Variants in TCF12 observed in about 807,000 individuals in gnomAD.
The protein encoded by TCF12 is transcription factor 12.
A neutral mutation model predicts 86.0 loss-of-function variants in TCF12; 45 were observed. The ratio of observed to expected loss-of-function variants is 0.52; its 90% CI spans 0.41 to 0.67. The LOEUF (loss-of-function observed/expected upper bound fraction) is 0.67. Ranked by LOEUF, TCF12 falls within the 30% of genes least tolerant of loss-of-function variation. The pLI, the probability that TCF12 is intolerant of heterozygous loss-of-function variation, is 0.00. For synonymous variants in TCF12, 330 were observed against 299.6 expected, an observed-to-expected ratio of 1.10 and a Z score of -1.05; for missense variants, 881 against 859.9, an observed-to-expected ratio of 1.02 and a Z score of -0.31.
intron 8 of TCF12, among the ~76,000 whole-genome samples, chr15:57,224,336 G>T (rs2058766452): frequency 6.6e-6 from 1 of 151,964 alleles, no homozygotes; most frequent in Admixed American, 6.6e-5. Flanking sequence ...CATAATTGAA[G>T]AAAAACATTG....
Position 56,940,386 on chromosome 15 carries a change from T to C in TCF12, c.148+19288T>C, listed in dbSNP as rs1046527841. ...CTTTTGTTGATTGTAGGAAATATGT[T>C]GTCTTCATATTTTGAAGTTAGACTG... On this transcript the variant is annotated intron_variant, in intron 3 of 20. Coordinates refer to ENST00000333725, the MANE Select transcript of TCF12 (RefSeq NM_207037.2). Among the ~76,000 whole-genome samples, 3 of 152,176 alleles carry C rather than the reference T, an allele frequency of 2.0e-5. No individual in the cohort carries two copies. The East Asian group carries it at 5.8e-4, about 29-fold the overall frequency.
intron 8 of TCF12, among the ~76,000 whole-genome samples, chr15:57,205,675 A>G (rs2151788555): frequency 6.6e-6 from 1 of 152,336 alleles, no homozygotes; most frequent in Admixed American, 6.5e-5. Context: ...TCCATTCCAA[A>G]CTTATATTCA....
chr15:57,210,750 C>G (rs1301223636), intron 8 of TCF12, among the ~76,000 whole-genome samples: 1 of 152,174 alleles, frequency 6.6e-6, no homozygotes, highest in Non-Finnish European at 1.5e-5. Context: ...GATCGCGCAC[C>G]TATAAAGTTA....
chr15:57,122,078 T>A (rs1179980357), intron 5 of TCF12, among the ~76,000 whole-genome samples: 2 of 146,938 alleles, frequency 1.4e-5, no homozygotes, highest in Non-Finnish European at 1.5e-5. Context: ...TCCTGCTTCT[T>A]ATCTCCTTGT....
At chr15:56,979,587 T>G (rs946845857) in intron 3 of TCF12, among the ~76,000 whole-genome samples, 4 of 152,200 alleles carry the variant, frequency 2.6e-5, no homozygotes, top group African/African-American at 7.2e-5. Context: ...GAGAAACACG[T>G]TGAATGGTCA....
chr15:57,007,788 TTCTCTCTTTC>T (rs1467621728), intron 3 of TCF12, among the ~76,000 whole-genome samples: 2 of 53,310 alleles, frequency 3.8e-5, no homozygotes, highest in African/African-American at 1.2e-4. Flanking sequence ...CTTTCTTTCT[TTCTCTCTTTC>T]TTTCTTTCTT....
chr15:57,171,032 C>T (rs1320766551), intron 6 of TCF12, among the ~76,000 whole-genome samples: 1 of 150,662 alleles, frequency 6.6e-6, no homozygotes, highest in African/African-American at 2.4e-5. Flanking sequence ...CTGTGTATGC[C>T]AACTCCTCTG....
At chr15:57,041,938 CA>C (rs1226212960) in intron 3 of TCF12, among the ~76,000 whole-genome samples, 2 of 152,112 alleles carry the variant, frequency 1.3e-5, no homozygotes, top group Non-Finnish European at 2.9e-5. Flanking sequence ...ATCATTACAT[CA>C]AAAGTTTACT....
chr15:57,197,305 C>T (rs12912392), intron 7 of TCF12, among the ~76,000 whole-genome samples: 65,329 of 151,392 alleles, frequency 0.43, 15,678 homozygotes, highest in East Asian at 0.64. Flanking sequence ...TACAGGCGCC[C>T]GCCACCACGG....
At chr15:56,941,948 T>C (rs2060799260) in intron 3 of TCF12, among the ~76,000 whole-genome samples, 1 of 152,196 alleles carries the variant, frequency 6.6e-6, no homozygotes, top group South Asian at 2.1e-4. Flanking sequence ...TTTTGGCTCT[T>C]AGAATACTCT....
In TCF12 at chr15:57,039,607, T is replaced by C. The variant is rs2141433398; in HGVS notation, c.149-24143T>C. 2.0e-5 allele frequency among the ~76,000 whole-genome samples: 3 copies of C among 150,940 alleles called. No individual in the cohort carries two copies. The South Asian group carries it at 6.3e-4, about 32-fold the overall frequency. On this transcript the variant is annotated intron_variant, in intron 3 of 20. Transcript: ENST00000333725. ...TTTTATCATAGCTTCAGCTTTTGTTTTTATTGTTGCTTTGAGTAGTCCATG... is the reference window on the plus strand; with the variant it reads ...TTTTATCATAGCTTCAGCTTTTGTTCTTATTGTTGCTTTGAGTAGTCCATG...
intron 9 of TCF12, 150 bp downstream of exon 9, chr15:57,231,407 G>C: frequency 1.6e-6 from 1 of 609,456 alleles, no homozygotes; most frequent in South Asian, 2.1e-5. Flanking sequence ...TAATTTTCCA[G>C]TGGTGTTTAT....
intron 5 of TCF12, among the ~76,000 whole-genome samples, chr15:57,162,474 T>C (rs2079235738): frequency 6.6e-6 from 1 of 152,196 alleles, no homozygotes; most frequent in African/African-American, 2.4e-5. Context: ...ATAACTAGTT[T>C]CTAATAAATG....
At chr15:57,112,499 G>A (rs1300131851) in intron 5 of TCF12, among the ~76,000 whole-genome samples, 1 of 152,190 alleles carries the variant, frequency 6.6e-6, no homozygotes, top group African/African-American at 2.4e-5. Context: ...AAGGAGAGGA[G>A]CTGTGATGGG....
intron 3 of TCF12, among the ~76,000 whole-genome samples, chr15:57,019,674 G>A (rs182355697): frequency 6.6e-6 from 1 of 152,260 alleles, no homozygotes; most frequent in East Asian, 1.9e-4. Flanking sequence ...GAGTCAGTCT[G>A]TTGTCAGAAT....
At chr15:57,205,759 C>G (rs1287723932) in intron 8 of TCF12, among the ~76,000 whole-genome samples, 1 of 152,174 alleles carries the variant, frequency 6.6e-6, no homozygotes, top group African/African-American at 2.4e-5. Flanking sequence ...ACAGTAACCA[C>G]TGTTCAGAAC....
intron 4 of TCF12, among the ~76,000 whole-genome samples, chr15:57,085,659 A>G (rs1205417406): frequency 6.6e-6 from 1 of 152,192 alleles, no homozygotes; most frequent in African/African-American, 2.4e-5. Flanking sequence ...AATTTTGGCA[A>G]TTTATGATGG....
Position 57,144,260 on chromosome 15 carries a change from G to A in TCF12, c.326-22142G>A, listed in dbSNP as rs528776584. Among the ~76,000 whole-genome samples the A allele has an allele frequency of 3.9e-5, 6 of 152,254 alleles. No homozygotes were observed. In the East Asian group the frequency reaches 5.8e-4, roughly 15 times the overall value. On this transcript the variant is annotated intron_variant, in intron 5 of 20. Coordinates refer to ENST00000333725, the MANE Select transcript of TCF12 (RefSeq NM_207037.2). ...GGTGATTGTTATGGGCAGAAAGAAA[G>A]GGATAGATACGAGGCACATTCTAAG...
chr15:57,180,935 C>T (rs917739755), intron 6 of TCF12, among the ~76,000 whole-genome samples: 1 of 151,092 alleles, frequency 6.6e-6, no homozygotes, highest in Non-Finnish European at 1.5e-5. Flanking sequence ...CTGCCTCAGC[C>T]TCCTGAGTGG....
Sources: allele counts gnomAD v4.1 joint callset (sites outside exome capture counted in the v4.1 genomes callset), GRCh38; gene constraint gnomAD v4.1.1; transcripts MANE v1.5; gene names NCBI Gene and HGNC (gene_info 2026-07-23, HGNC 2026-07-21).